The following TAFA2 variants were observed in gnomAD, a reference collection of about 807,000 sequenced individuals.
The protein encoded by TAFA2 is TAFA chemokine like family member 2.
TAFA2 carries 7 observed loss-of-function variants against 18.8 expected under a neutral mutation model. The observed-to-expected ratio is 0.37, with a 90% CI of 0.21 to 0.70. TAFA2 has a LOEUF of 0.70. Ranked by LOEUF, TAFA2 falls within the 30% of genes least tolerant of loss-of-function variation. The pLI, the probability that TAFA2 is intolerant of heterozygous loss-of-function variation, is 0.53. For synonymous variants in TAFA2, 60 were observed against 54.2 expected (o/e 1.11, Z -0.47); for missense variants, 122 against 158.1 (o/e 0.77, Z 1.23).
intron 2 of TAFA2, among the ~76,000 whole-genome samples, chr12:61,819,842 C>T (rs1344030903): frequency 1.3e-5 from 2 of 152,086 alleles, no homozygotes; most frequent in African/African-American, 2.4e-5. Flanking sequence ...CATTCCCATG[C>T]AATTTTATTA....
intron 2 of TAFA2, among the ~76,000 whole-genome samples, chr12:61,775,476 G>A (rs574085693): frequency 1.3e-5 from 2 of 151,874 alleles, no homozygotes; most frequent in East Asian, 3.9e-4. Context: ...AAAAAAATGA[G>A]CTATCAAGCC....
intron 1 of TAFA2, among the ~76,000 whole-genome samples, chr12:62,058,482 G>A (rs996973997): frequency 1.1e-4 from 17 of 152,308 alleles, no homozygotes; most frequent in African/African-American, 3.8e-4. Context: ...AGATACAGCA[G>A]TGAATAATTC....
chr12:62,233,300 C>T (rs1457614424), intron 1 of TAFA2, among the ~76,000 whole-genome samples: 2 of 151,654 alleles, frequency 1.3e-5, no homozygotes, highest in East Asian at 3.9e-4. Flanking sequence ...AGGCTGGACT[C>T]TAACTTCTAA....
intron 1 of TAFA2, among the ~76,000 whole-genome samples, chr12:62,241,282 A>G (rs1268236916): frequency 1.1e-4 from 16 of 152,148 alleles, no homozygotes; most frequent in Non-Finnish European, 1.9e-4. Flanking sequence ...AACTATCCCT[A>G]TTTTTCTTTT....
intron 1 of TAFA2, among the ~76,000 whole-genome samples, chr12:62,149,495 T>A (rs1006795395): frequency 1.3e-5 from 2 of 151,288 alleles, no homozygotes; most frequent in Non-Finnish European, 2.9e-5. Context: ...AGATTTTATA[T>A]GAAAATACAG....
intron 1 of TAFA2, among the ~76,000 whole-genome samples, chr12:62,153,969 ATGT>A (rs2062350131): frequency 6.6e-6 from 1 of 150,386 alleles, no homozygotes; most frequent in African/African-American, 2.4e-5. Flanking sequence ...ATGTTATGTT[ATGT>A]TATGTTATGT....
intron 1 of TAFA2, among the ~76,000 whole-genome samples, chr12:62,221,220 A>AGGAGGGAAGGACGGAAGGGG (rs879846136): frequency 1.1e-5 from 1 of 92,134 alleles, no homozygotes. Flanking sequence ...GAAGGGGGGA[A>AGGAGGGAAGGACGGAAGGGG]GGAAGGAAGG....
intron 2 of TAFA2, among the ~76,000 whole-genome samples, chr12:61,760,453 T>C (rs945539632): frequency 1.3e-5 from 2 of 148,302 alleles, no homozygotes; most frequent in Non-Finnish European, 3.0e-5. Context: ...GATTTGAACA[T>C]GAAATATGTA....
chr12:61,929,025 G>A (rs1877432143), intron 1 of TAFA2, among the ~76,000 whole-genome samples: 1 of 152,120 alleles, frequency 6.6e-6, no homozygotes, highest in Non-Finnish European at 1.5e-5. Flanking sequence ...AGGAACAAGG[G>A]AAGGAATAGC....
chr12:62,049,445 G>GT (rs936351277), intron 1 of TAFA2, among the ~76,000 whole-genome samples: 5 of 152,156 alleles, frequency 3.3e-5, no homozygotes, highest in African/African-American at 1.2e-4. Flanking sequence ...CCCAACCAGT[G>GT]TTATTGGGAA....
intron 1 of TAFA2, among the ~76,000 whole-genome samples, chr12:61,905,880 C>T (rs1239504010): frequency 2.0e-5 from 3 of 152,212 alleles, no homozygotes; most frequent in Non-Finnish European, 4.4e-5. Flanking sequence ...GACACACTCA[C>T]ACACAGGCCC....
chr12:62,176,979 T>C (rs1023899327), intron 1 of TAFA2, among the ~76,000 whole-genome samples: 4 of 152,228 alleles, frequency 2.6e-5, no homozygotes, highest in African/African-American at 7.2e-5. Flanking sequence ...GCCACTTGCT[T>C]ATAAAATAGG....
At chr12:61,726,701 T>A (rs1418279482) in intron 4 of TAFA2, among the ~76,000 whole-genome samples, 1 of 152,126 alleles carries the variant, frequency 6.6e-6, no homozygotes, top group African/African-American at 2.4e-5. Context: ...TGACTTTATC[T>A]TTACCTATTT....
chr12:62,060,552 T>C (rs1882319197), intron 1 of TAFA2, among the ~76,000 whole-genome samples: 1 of 152,240 alleles, frequency 6.6e-6, no homozygotes, highest in African/African-American at 2.4e-5. Context: ...TACTATACCA[T>C]ATTTATCATT....
At chr12:62,108,029 G>A in intron 1 of TAFA2, among the ~76,000 whole-genome samples, 1 of 151,942 alleles carries the variant, frequency 6.6e-6, no homozygotes, top group Non-Finnish European at 1.5e-5. Context: ...GGATACATGT[G>A]CAGAACGTGC....
chr12:61,916,784 A>G (rs1009640151), intron 1 of TAFA2, among the ~76,000 whole-genome samples: 2 of 152,152 alleles, frequency 1.3e-5, no homozygotes, highest in African/African-American at 4.8e-5. Context: ...TCTTATTCCC[A>G]TCTGATAGAA....
In TAFA2 at chr12:62,126,063, T is replaced by A. The variant is rs181792682; in HGVS notation, c.-2+65196A>T. Among the ~76,000 whole-genome samples, 61 of 152,218 alleles carry A rather than the reference T, an allele frequency of 4.0e-4. No homozygotes were observed. The East Asian group carries it at 0.011, about 28-fold the overall frequency. The stretch of plus-strand genomic sequence containing the variant: ...CCACTTGGCATTTGAAAACCAGTTG[T>A]CTTAGTGTGGTTTAATGGATTATTC... On this transcript the variant is annotated intron_variant, in intron 1 of 4. Coordinates refer to ENST00000416284, the MANE Select transcript of TAFA2 (RefSeq NM_178539.5).
intron 1 of TAFA2, among the ~76,000 whole-genome samples, chr12:61,965,683 T>C (rs17125547): frequency 0.019 from 2,867 of 152,008 alleles, 102 homozygotes; most frequent in African/African-American, 0.065. Context: ...TTAGCAGGGA[T>C]GGACTAGTTC....
intron 1 of TAFA2, among the ~76,000 whole-genome samples, chr12:62,141,357 G>T (rs1179297008): frequency 2.6e-5 from 4 of 152,148 alleles, no homozygotes; most frequent in Non-Finnish European, 5.9e-5. Flanking sequence ...TTTCTCTGAA[G>T]TGGTTCCAGT....
Sources: allele counts gnomAD v4.1 joint callset (sites outside exome capture counted in the v4.1 genomes callset), GRCh38; gene constraint gnomAD v4.1.1; transcripts MANE v1.5; gene names NCBI Gene and HGNC (gene_info 2026-07-23, HGNC 2026-07-21).